RBFOX1: variants seen among roughly 807,000 people sequenced by gnomAD.
The protein encoded by RBFOX1 is RNA binding protein fox-1 homolog 1.
A neutral mutation model predicts 57.7 loss-of-function variants in RBFOX1; 8 were observed. The observed-to-expected ratio is 0.14, with a 90% CI of 0.08 to 0.25. The LOEUF (loss-of-function observed/expected upper bound fraction) is 0.25. Among genes scored for constraint, RBFOX1 ranks in the 10% least tolerant of loss-of-function variants. RBFOX1 has a pLI of 1.00. For missense variants in RBFOX1, 611 were observed against 548.5 expected (o/e 1.11, Z -1.14); for synonymous variants, 326 against 222.4 (o/e 1.47, Z -4.15).
At chr16:7,585,153 G>T (rs6500990) in intron 6 of RBFOX1, among the ~76,000 whole-genome samples, 141,080 of 152,258 alleles carry the variant, frequency 0.93, 65,660 homozygotes, top group Non-Finnish European at 0.96. Flanking sequence ...AGCGTCTGTG[G>T]AGACTGAATA....
chr16:5,339,668 G>A (rs2064991600), intron 1 of RBFOX1, among the ~76,000 whole-genome samples: 1 of 151,516 alleles, frequency 6.6e-6, no homozygotes, highest in African/African-American at 2.4e-5. Context: ...TAGTAGAGAT[G>A]GAGTTTCACT....
At chr16:6,400,879 A>T (rs766512607) in intron 2 of RBFOX1, among the ~76,000 whole-genome samples, 1 of 152,132 alleles carries the variant, frequency 6.6e-6, no homozygotes, top group Non-Finnish European at 1.5e-5. Context: ...AAAGAGCAAG[A>T]CTCTGTCTCA....
At chr16:7,533,700 G>C (rs897061616) in intron 5 of RBFOX1, among the ~76,000 whole-genome samples, 2 of 152,196 alleles carry the variant, frequency 1.3e-5, no homozygotes, top group Admixed American at 6.5e-5. Flanking sequence ...CAGAATGGTT[G>C]TATGGGCACT....
intron 1 of RBFOX1, among the ~76,000 whole-genome samples, chr16:6,116,275 G>T (rs566487090): frequency 2.0e-5 from 3 of 151,290 alleles, no homozygotes; most frequent in Admixed American, 6.6e-5. Context: ...GTCAGGGGGT[G>T]GGGGGCAGGG....
At chr16:7,676,640 A>T (rs2073357615) in intron 13 of RBFOX1, 134 bp from the exon 14 acceptor site, 3 of 744,750 alleles carry the variant, frequency 4.0e-6, no homozygotes, top group Non-Finnish European at 2.3e-6. Context: ...TTTCGCTTTG[A>T]TACTAAGCTT....
intron 3 of RBFOX1, among the ~76,000 whole-genome samples, chr16:7,023,564 T>TAAAAAAAAAAAAAAAAAGAAA (rs2039957710): frequency 2.3e-5 from 1 of 43,916 alleles, no homozygotes; most frequent in Non-Finnish European, 4.1e-5. Context: ...TCGTCTGTAC[T>TAAAAAAAAAAAAAAAAAGAAA]AAAAAAAAAA....
chr16:7,054,861 G>C (rs1006623780), intron 4 of RBFOX1, among the ~76,000 whole-genome samples: 3 of 152,150 alleles, frequency 2.0e-5, no homozygotes, highest in African/African-American at 7.2e-5. Context: ...GATATAAGTG[G>C]ATAGTTGTCA....
chr16:7,315,458 C>CG (rs1043038952), intron 4 of RBFOX1, among the ~76,000 whole-genome samples: 11 of 78,066 alleles, frequency 1.4e-4, no homozygotes, highest in African/African-American at 2.4e-4. Flanking sequence ...TCTACCCTAC[C>CG]CCCCCCCCCA....
chr16:7,577,100 G>C (rs184291763), intron 5 of RBFOX1, among the ~76,000 whole-genome samples: 1 of 152,162 alleles, frequency 6.6e-6, no homozygotes, highest in African/African-American at 2.4e-5. Flanking sequence ...TGAAGGCGGC[G>C]ACATTGATTG....
At chr16:7,348,053 A>C (rs1181289929) in intron 4 of RBFOX1, among the ~76,000 whole-genome samples, 1 of 152,190 alleles carries the variant, frequency 6.6e-6, no homozygotes, top group African/African-American at 2.4e-5. Context: ...GCCTCCTTTG[A>C]CTTCTGTTTA....
At chr16:5,914,975 C>T (rs1323201510) in intron 4 of RBFOX1, among the ~76,000 whole-genome samples, 1 of 152,150 alleles carries the variant, frequency 6.6e-6, no homozygotes, top group Non-Finnish European at 1.5e-5. Context: ...GCCTTTTTAT[C>T]ACCTACTATT....
intron 1 of RBFOX1, among the ~76,000 whole-genome samples, chr16:6,312,998 G>A (rs12932520): frequency 0.32 from 48,325 of 152,014 alleles, 8,131 homozygotes; most frequent in Middle Eastern, 0.41. Flanking sequence ...TGAAGAAAGG[G>A]TGATGGGCTC....
chr16:5,743,808 G>C (rs2052870088), intron 3 of RBFOX1, among the ~76,000 whole-genome samples: 1 of 152,116 alleles, frequency 6.6e-6, no homozygotes, highest in Non-Finnish European at 1.5e-5. Context: ...CTCCCAAAGT[G>C]CTGGGATTAT....
At chr16:7,120,390 G>T (rs1600092488) in intron 4 of RBFOX1, among the ~76,000 whole-genome samples, 1 of 151,798 alleles carries the variant, frequency 6.6e-6, no homozygotes, top group African/African-American at 2.4e-5. Flanking sequence ...CCTAAATCTG[G>T]CTCTTTCAAA....
intron 4 of RBFOX1, among the ~76,000 whole-genome samples, chr16:7,295,828 G>A (rs1403526959): frequency 6.6e-6 from 1 of 152,094 alleles, no homozygotes. Context: ...AATAAACTCT[G>A]GTGATCCAAC....
intron 4 of RBFOX1, among the ~76,000 whole-genome samples, chr16:7,275,762 G>T (rs1364172075): frequency 6.6e-6 from 1 of 152,194 alleles, no homozygotes; most frequent in African/African-American, 2.4e-5. Flanking sequence ...TATCCACTTT[G>T]TGACCTTCAG....
At chr16:6,865,118 T>G (rs1567621147) in intron 3 of RBFOX1, among the ~76,000 whole-genome samples, 1 of 143,802 alleles carries the variant, frequency 7.0e-6, no homozygotes, top group Non-Finnish European at 1.5e-5. Flanking sequence ...TTCTCCACCC[T>G]TAGCCTCCCA....
At chr16:6,478,020 T>G (rs972378707) in intron 2 of RBFOX1, among the ~76,000 whole-genome samples, 1 of 152,164 alleles carries the variant, frequency 6.6e-6, no homozygotes, top group Admixed American at 6.5e-5. Flanking sequence ...AGTCTTGATC[T>G]GGATTAGGCT....
intron 2 of RBFOX1, among the ~76,000 whole-genome samples, chr16:5,492,983 C>G (rs955916443): frequency 1.3e-5 from 2 of 152,192 alleles, no homozygotes; most frequent in African/African-American, 4.8e-5. Flanking sequence ...GCCCATGGGC[C>G]AAATCTGGTC....
Sources: allele counts gnomAD v4.1 joint callset (sites outside exome capture counted in the v4.1 genomes callset), GRCh38; gene constraint gnomAD v4.1.1; transcripts MANE v1.5; gene names NCBI Gene and HGNC (gene_info 2026-07-23, HGNC 2026-07-21).